SLC11A2: variants seen among roughly 807,000 people sequenced by gnomAD.
The protein encoded by SLC11A2 is natural resistance-associated macrophage protein 2.
A neutral mutation model predicts 68.0 loss-of-function variants in SLC11A2; 38 were observed. The observed-to-expected ratio is 0.56, with a 90% CI of 0.43 to 0.73. SLC11A2 has a LOEUF of 0.73. Among genes scored for constraint, SLC11A2 ranks in the 30% least tolerant of loss-of-function variants. SLC11A2 has a pLI of 0.00. For missense variants in SLC11A2, 517 were observed against 690.5 expected (o/e 0.75, Z 2.82); for synonymous variants, 242 against 250.6 (o/e 0.97, Z 0.32).
rs776447248 is a variant in SLC11A2 at position 50,988,208 on chromosome 12, G to A, written c.*117C>T. ...TGAAACAAAGTCTTTTCCAACCAAC[G>A]GTTGAGTCATAAACACAGTCTGTGC... On this transcript the variant is annotated 3_prime_UTR_variant, in exon 16 of 16. Coordinates refer to ENST00000262052, the MANE Select transcript of SLC11A2 (RefSeq NM_000617.3). The A allele has an allele frequency of 1.0e-5, 16 of 1,573,762 alleles. No homozygotes were observed. Among genetic ancestry groups the A allele is most frequent in the South Asian group, 2.3e-5 (2 of 86,584 alleles).
At chr12:50,975,022 C>A (rs542101558), downstream of SLC11A2, among the ~76,000 whole-genome samples, 17 of 152,312 alleles carry the variant, frequency 1.1e-4, no homozygotes, top group South Asian at 3.5e-3. Context: ...GAGACTTAGA[C>A]TCCCACACAA....
the SLC11A2 span, chr12:50,953,781 C>CTCTA: frequency 2.4e-5 from 12 of 498,366 alleles, no homozygotes; most frequent in South Asian, 3.0e-4. Flanking sequence ...ATCATTTCCT[C>CTCTA]TATGTATTTT....
chr12:51,014,261 A>G (rs1369791636), intron 1 of SLC11A2: 1 of 152,300 alleles, frequency 6.6e-6, no homozygotes, highest in Non-Finnish European at 1.5e-5. Flanking sequence ...CTTTTAAGTT[A>G]TATTTTAAAA....
downstream of SLC11A2, among the ~76,000 whole-genome samples, chr12:50,984,215 G>A (rs2136138363): frequency 6.6e-6 from 1 of 152,110 alleles, no homozygotes; most frequent in Admixed American, 6.5e-5. Flanking sequence ...ATTACAAACT[G>A]CAGTGTATAA....
At chr12:51,018,115 C>G (rs1369971521) in intron 1 of SLC11A2, among the ~76,000 whole-genome samples, 1 of 152,138 alleles carries the variant, frequency 6.6e-6, no homozygotes, top group East Asian at 1.9e-4. Flanking sequence ...CTGCCCCTGG[C>G]TGGGTGGGGT....
downstream of SLC11A2, among the ~76,000 whole-genome samples, chr12:50,982,107 GAACA>G (rs1940075579): frequency 1.3e-5 from 2 of 152,160 alleles, no homozygotes; most frequent in South Asian, 4.1e-4. Context: ...ATCAGGATAA[GAACA>G]AACAAGCAGA....
the SLC11A2 span, among the ~76,000 whole-genome samples, chr12:50,960,204 C>A: frequency 1.3e-5 from 2 of 152,120 alleles, no homozygotes; most frequent in Non-Finnish European, 2.9e-5. Flanking sequence ...ATATTCATAC[C>A]TTTTCATCTC....
chr12:50,972,088 T>C, the SLC11A2 span, among the ~76,000 whole-genome samples: 1 of 152,218 alleles, frequency 6.6e-6, no homozygotes, highest in African/African-American at 2.4e-5. Flanking sequence ...CTGGATCTAA[T>C]ATGTTCCATT....
chr12:50,953,579 G>GT, the SLC11A2 span, among the ~76,000 whole-genome samples: 1 of 152,202 alleles, frequency 6.6e-6, no homozygotes, highest in Admixed American at 6.5e-5. Context: ...AAATCTGGAA[G>GT]TATTTTTGCC....
intron 1 of SLC11A2, among the ~76,000 whole-genome samples, chr12:51,021,018 G>A (rs1944005981): frequency 6.6e-6 from 1 of 152,114 alleles, no homozygotes; most frequent in Non-Finnish European, 1.5e-5. Context: ...TTGAGCCCAG[G>A]AAGTCAAAGC....
chr12:50,990,392 CTT>C (rs1474509031), intron 15 of SLC11A2, among the ~76,000 whole-genome samples: 7 of 152,278 alleles, frequency 4.6e-5, no homozygotes, highest in East Asian at 3.9e-4. Context: ...ACTATACTCT[CTT>C]GTTAGGAATT....
chr12:51,027,747 G>A (rs1015690263), upstream of SLC11A2, among the ~76,000 whole-genome samples: 33 of 152,024 alleles, frequency 2.2e-4, no homozygotes, highest in Non-Finnish European at 3.4e-4. Flanking sequence ...CCGACCCCTC[G>A]CACTGCTTAC....
At chr12:50,975,558 C>G (rs1272626407), downstream of SLC11A2, among the ~76,000 whole-genome samples, 1 of 151,916 alleles carries the variant, frequency 6.6e-6, no homozygotes, top group Non-Finnish European at 1.5e-5. Flanking sequence ...AAAATTGACA[C>G]CCTAACATCA....
Position 50,994,583 on chromosome 12 carries a change from A to C in SLC11A2, c.1038T>G (p.Pro346=). 1.9e-6 allele frequency: 3 copies of C among 1,613,234 alleles called. No homozygotes were observed. The highest frequency in any genetic ancestry group is 2.5e-6 in the Non-Finnish European group (3 of 1,179,134). Residue 346 remains proline, a synonymous_variant, in exon 11 of 16, where the codon CCT becomes CCG. Coordinates refer to ENST00000262052, the MANE Select transcript of SLC11A2 (RefSeq NM_000617.3). ...NTSSPHAGLF[P]KDNSTLAVDI... is the part of the protein sequence containing the mutation. ...CCACAGCCAGTGTCGAGTTATCTTT[A>C]GGAAAGAGGCCAGCATGAGGACTGC...
At chr12:50,996,774 C>A (rs1941738965) in intron 9 of SLC11A2, 43 bp downstream of exon 9, 2 of 1,597,494 alleles carry the variant, frequency 1.3e-6, no homozygotes, top group African/African-American at 1.3e-5. Context: ...GAAAAGATCC[C>A]ATGAACTGTC....
chr12:51,022,046 A>G lies in SLC11A2; in HGVS notation c.-39+4264T>C, dbSNP rs531753579. ...TTAACCAGCTTCCAAATCTCCCTGA[A>G]TGCTCACAAGTCAGGGTCACTAAAG... On this transcript the variant is annotated intron_variant, in intron 1 of 15. Transcript: ENST00000262052. Among the ~76,000 whole-genome samples the G allele has an allele frequency of 5.3e-5, 8 of 152,296 alleles. No individual in the cohort carries two copies. In the East Asian group the frequency reaches 1.3e-3, roughly 26 times the overall value.
intron 13 of SLC11A2, 71 bp from the exon 14 acceptor site, chr12:50,991,743 T>G (rs1453954372): frequency 1.7e-6 from 2 of 1,161,936 alleles, no homozygotes; most frequent in African/African-American, 1.5e-5. Context: ...GCACAATTAA[T>G]GAAAGGGAAA....
chr12:50,976,632 G>C (rs1464264960), downstream of SLC11A2, among the ~76,000 whole-genome samples: 1 of 152,152 alleles, frequency 6.6e-6, no homozygotes, highest in Non-Finnish European at 1.5e-5. Context: ...ACACAGTGTT[G>C]GAAGTTCTGG....
chr12:50,953,905 C>T, the SLC11A2 span: 2 of 682,506 alleles, frequency 2.9e-6, no homozygotes. Flanking sequence ...AACAAAAAAA[C>T]ACATAATCAA....
Sources: gnomAD v4.1 joint callset for allele counts (sites outside exome capture counted in the v4.1 genomes callset) on GRCh38, gnomAD v4.1.1 for gene constraint, MANE v1.5 for transcripts, NCBI Gene and HGNC (gene_info 2026-07-23, HGNC 2026-07-21) for gene names.